ZNF473: variants seen among roughly 807,000 people sequenced by gnomAD.
ZNF473 encodes the protein zinc finger protein 100 homolog.
Under a neutral mutation model 11.1 loss-of-function variants are expected in ZNF473, and 4 were observed. That is an observed-to-expected ratio of 0.36 (90% confidence interval 0.18 to 0.82). The LOEUF (loss-of-function observed/expected upper bound fraction) is 0.82. Among genes scored for constraint, ZNF473 ranks in the 40% least tolerant of loss-of-function variants. The pLI, the probability that ZNF473 is intolerant of heterozygous loss-of-function variation, is 0.49. For missense variants in ZNF473, 854 were observed against 1,084.0 expected, an observed-to-expected ratio of 0.79 and a Z score of 2.98; for synonymous variants, 404 against 390.4, an observed-to-expected ratio of 1.03 and a Z score of -0.41.
chr19:50,039,009 A>T lies in ZNF473; in HGVS notation c.10-152A>T. ...TTGCCTACAAAATACAGGGGTTTCC[A>T]GTCTCTTACATCTCAAGATTCTTGT... On this transcript the variant is annotated intron_variant, in intron 2 of 4. Coordinates refer to ENST00000270617, the MANE Select transcript of ZNF473 (RefSeq NM_015428.4). This position sits in a 1 kb window ranked among gnomAD's most constrained non-coding sequence, Gnocchi z 4.8. 1.0e-6 allele frequency: 1 copy of T among 953,042 alleles called. No individual in the cohort carries two copies. Among genetic ancestry groups the T allele is most frequent in the Non-Finnish European group, 1.6e-6 (1 of 637,864 alleles). The allele number at this position is 953,042 out of a possible 1,614,324, so 59.0% of individuals were successfully genotyped here. A position where few individuals can be genotyped will look rare whatever the true frequency, so the allele number is the denominator to read the frequency against.
intron 3 of ZNF473, among the ~76,000 whole-genome samples, chr19:50,040,002 G>GTTGTCCCTCTTTTGCCGA (rs1375608964): frequency 3.3e-5 from 5 of 152,154 alleles, no homozygotes; most frequent in Non-Finnish European, 7.3e-5. Flanking sequence ...AAGAAGCTGG[G>GTTGTCCCTCTTTTGCCGA]TTGTCCCTCT....
intron 1 of ZNF473, among the ~76,000 whole-genome samples, chr19:50,026,638 C>T (rs976120782): frequency 6.6e-6 from 1 of 151,154 alleles, no homozygotes; most frequent in Non-Finnish European, 1.5e-5. Flanking sequence ...TCGAGGCTAG[C>T]CTGGGCCAGA....
rs989105351 is a variant in ZNF473, at chr19:50,041,725, T to C, written c.137-5T>C. 6.2e-7 allele frequency: 1 copy of C among 1,602,636 alleles called. No homozygotes were observed. Among genetic ancestry groups the C allele is most frequent in the Non-Finnish European group, 8.5e-7 (1 of 1,175,652 alleles). The stretch of plus-strand genomic sequence containing the variant: ...TTGGGTGACAATGCTTTTCTCTCCC[T>C]GCAGACCCCCCAAGACCCAACCTGA... On this transcript the variant is annotated splice_polypyrimidine_tract_variant and splice_region_variant and intron_variant, in intron 3 of 4. Coordinates refer to ENST00000270617, the MANE Select transcript of ZNF473 (RefSeq NM_015428.4).
chr19:50,045,562 T>A lies in ZNF473; in HGVS notation c.1119T>A (p.Thr373=), dbSNP rs1181310605. Residue 373 remains threonine (T), a synonymous_variant, in exon 5 of 5, where the codon ACT becomes ACA. Coordinates refer to ENST00000270617, the MANE Select transcript of ZNF473 (RefSeq NM_015428.4). ...ATCAGAAAACTCACGCTGCAAAAAC[T>A]ACCTCTGAGTGTCAGGAGTGTGGGA... The part of the protein sequence containing the change: ...IQHQKTHAAK[T]TSECQECGKI... 6.2e-7 allele frequency: 1 copy of A among 1,614,164 alleles called. No homozygotes were observed. The highest frequency in any genetic ancestry group is 1.7e-5 in the Admixed American group (1 of 60,018).
intron 2 of ZNF473, among the ~76,000 whole-genome samples, chr19:50,034,090 T>G (rs1184113512): frequency 1.3e-5 from 2 of 152,244 alleles, no homozygotes; most frequent in African/African-American, 4.8e-5. Flanking sequence ...GACTCTGTCC[T>G]GAAAGCTGCT....
chr19:50,031,234 G>A (rs1180379972), intron 2 of ZNF473, 143 bp downstream of exon 2: 7 of 1,134,736 alleles, frequency 6.2e-6, no homozygotes, highest in Non-Finnish European at 9.1e-6. Flanking sequence ...CTTTGTTTTG[G>A]CCTCCCTGTC....
At chr19:50,035,710 C>G (rs1266282291) in intron 2 of ZNF473, among the ~76,000 whole-genome samples, 1 of 152,142 alleles carries the variant, frequency 6.6e-6, no homozygotes, top group Non-Finnish European at 1.5e-5. Flanking sequence ...CTGCTGAGCC[C>G]TGTGTAGGCA....
rs751155515 is a variant in ZNF473, at chr19:50,046,021, C to T, written c.1578C>T (p.Cys526=). The change falls in exon 5 of 5, where the codon TGC becomes TGT. Residue 526 remains cysteine (C), a synonymous_variant. Transcript: ENST00000270617. The surrounding 1 kb of genome is among the most constrained non-coding windows in gnomAD (Gnocchi z 5.9). ...ECQECGERFI[C]GSTLKCHESV... ...AGGAGTGCGGAGAACGCTTCATTTGCGGCTCAACCCTGAAGTGCCACGAGA... is the reference window on the plus strand; with the variant it reads ...AGGAGTGCGGAGAACGCTTCATTTGTGGCTCAACCCTGAAGTGCCACGAGA... 2.0e-5 allele frequency: 33 copies of T among 1,614,040 alleles called. No homozygotes were observed. Among genetic ancestry groups the T allele is most frequent in the Non-Finnish European group, 2.5e-5 (30 of 1,180,028 alleles).
rs1460984503 is a variant in ZNF473, at chr19:50,039,945, G to C, written c.136+658G>C. On this transcript the variant is annotated intron_variant, in intron 3 of 4. Transcript: ENST00000270617. This position sits in a 1 kb window ranked among gnomAD's most constrained non-coding sequence, Gnocchi z 4.8. ...CAGCTCTAAACTAATGAATGATTGA[G>C]TAGCAGCTCTTAGGACTTGCTTGTT... 6.6e-6 allele frequency among the ~76,000 whole-genome samples: 1 copy of C among 152,226 alleles called. No homozygotes were observed. The highest frequency in any genetic ancestry group is 2.4e-5 in the African/African-American group (1 of 41,450).
In ZNF473 at chr19:50,039,069, T is replaced by A; in HGVS notation, c.10-92T>A. ...GATGGGATGGTTTTTGCCAAAGCCCTGGCAGATTGAGGGCTGGGAGTGCCC... is the reference window on the plus strand; with the variant it reads ...GATGGGATGGTTTTTGCCAAAGCCCAGGCAGATTGAGGGCTGGGAGTGCCC... On this transcript the variant is annotated intron_variant, in intron 2 of 4. Coordinates refer to ENST00000270617, the MANE Select transcript of ZNF473 (RefSeq NM_015428.4). This position sits in a 1 kb window ranked among gnomAD's most constrained non-coding sequence, Gnocchi z 4.8. 1.3e-6 allele frequency: 2 copies of A among 1,540,938 alleles called. No individual in the cohort carries two copies. Among genetic ancestry groups the A allele is most frequent in the Non-Finnish European group, 8.9e-7 (1 of 1,127,900 alleles).
Position 50,046,753 on chromosome 19 carries a change from C to T in ZNF473, c.2310C>T (p.Ser770=). The change falls in exon 5 of 5, where the codon AGC becomes AGT. Residue 770 remains serine (S), a synonymous_variant. Coordinates refer to ENST00000270617, the MANE Select transcript of ZNF473 (RefSeq NM_015428.4). The surrounding 1 kb of genome is among the most constrained non-coding windows in gnomAD (Gnocchi z 5.9). ...AATGCGGGAAAGCCTTCACCCAGAG[C>T]TCATGCCTTTCTATTCACCGGAGAG... The part of the protein sequence containing the change: ...CQECGKAFTQ[S]SCLSIHRRVH... The T allele has an allele frequency of 1.2e-6, 2 of 1,614,166 alleles. No homozygotes were observed. The highest frequency in any genetic ancestry group is 1.7e-6 in the Non-Finnish European group (2 of 1,180,010).
rs748380828 is a variant in ZNF473 at position 50,046,199 on chromosome 19, A to G, written c.1756A>G (p.Arg586Gly). The G allele has an allele frequency of 1.9e-6, 3 of 1,614,202 alleles. No individual in the cohort carries two copies. Among genetic ancestry groups the G allele is most frequent in the Admixed American group, 1.7e-5 (1 of 60,026 alleles). ...AACTCAGCACGAGAGGATTCACACC[A>G]GGGGAGTGAAGCCCTTTGAATGTGA... ...YLTQHERIHT[R>G]GVKPFECDQC... The change falls in exon 5 of 5, where the codon AGG (arginine) becomes GGG (glycine). Residue 586 changes from arginine to glycine, a missense_variant. Physicochemically the swap from Arg to Gly is moderately radical, Grantham distance 125. Transcript: ENST00000270617. This position sits in a 1 kb window ranked among gnomAD's most constrained non-coding sequence, Gnocchi z 5.9.
rs756986238 is a variant in ZNF473, at chr19:50,045,357, C to T, written c.914C>T (p.Thr305Ile). 6.2e-7 allele frequency: 1 copy of T among 1,614,180 alleles called. No individual in the cohort carries two copies. The highest frequency in any genetic ancestry group is 1.1e-5 in the South Asian group (1 of 91,084). ...AGTGACCACCCACCCAGTCATGACA[C>T]ACAGCCTGGTGAGCATCAGAAAACT... The part of the protein sequence containing the change: ...QDSDHPPSHD[T>I]QPGEHQKTHT... Residue 305 changes from threonine (T) to isoleucine (I), a missense_variant, in exon 5 of 5, where the codon ACA (threonine) becomes ATA (isoleucine). Around this residue, in one of 2 missense-constraint regions of ZNF473, gnomAD observed 668 missense variants for 790.2 expected, o/e 0.85. Transcript: ENST00000270617.
chr19:50,028,398 C>T (rs1199706998), intron 1 of ZNF473, among the ~76,000 whole-genome samples: 1 of 152,042 alleles, frequency 6.6e-6, no homozygotes, highest in Non-Finnish European at 1.5e-5. Context: ...TCACTGCAGC[C>T]TTGAACTCCT....
rs1176476272 is a variant in ZNF473, at chr19:50,048,178, G to C, written c.*1119G>C. 1 of 152,252 alleles carries C rather than the reference G, an allele frequency of 6.6e-6. No individual in the cohort carries two copies. Among genetic ancestry groups the C allele is most frequent in the Non-Finnish European group, 1.5e-5 (1 of 68,052 alleles). 9.4% of individuals were successfully genotyped at this position (152,252 alleles called of 1,614,324 possible). On this transcript the variant is annotated 3_prime_UTR_variant, in exon 5 of 5. Coordinates refer to ENST00000270617, the MANE Select transcript of ZNF473 (RefSeq NM_015428.4). ...AATGCCACATTCCCTCATGTCACAG[G>C]AAGTTCTGGGATCACCAAGGATTGT...
At chr19:50,044,555 T>C in intron 4 of ZNF473, 115 bp from the exon 5 acceptor site, 4 of 817,958 alleles carry the variant, frequency 4.9e-6, no homozygotes, top group Non-Finnish European at 7.8e-6. Context: ...TCCACATGGG[T>C]CACCCCTTTG....
chr19:50,033,828 T>C (rs11878219), intron 2 of ZNF473, among the ~76,000 whole-genome samples: 7,972 of 152,196 alleles, frequency 0.052, 688 homozygotes, highest in African/African-American at 0.18. Flanking sequence ...ATCACCTCTT[T>C]TCTCCTGTGA....
At position 50,026,946 on chromosome 19, in the gene ZNF473, G is replaced by A. The variant is rs1379315578; in HGVS notation, c.-192+824G>A. On this transcript the variant is annotated intron_variant, in intron 1 of 4. Transcript: ENST00000270617. ...AAATTTAGGCAGAATCTTGCTGGAC[G>A]ATGGATGGGAGTTCTTCGGGAAGTT... 5.3e-5 allele frequency among the ~76,000 whole-genome samples: 8 copies of A among 152,162 alleles called. No individual in the cohort carries two copies. In the East Asian group the frequency reaches 7.7e-4, roughly 15 times the overall value.
In ZNF473 at chr19:50,045,647, C is replaced by T. The variant is rs376896150; in HGVS notation, c.1204C>T (p.Pro402Ser). The change falls in exon 5 of 5, where the codon CCT becomes TCT. Residue 402 changes from proline to serine, a missense_variant. Coordinates refer to ENST00000270617, the MANE Select transcript of ZNF473 (RefSeq NM_015428.4). ...EHQALHAGEE[P>S]YKCNERGKSF... ...CCAGGCTCTTCATGCTGGAGAGGAG[C>T]CTTATAAGTGTAACGAACGTGGGAA... 1.2e-6 allele frequency: 2 copies of T among 1,613,892 alleles called. No individual in the cohort carries two copies. The highest frequency in any genetic ancestry group is 1.3e-5 in the African/African-American group (1 of 74,840).
Sources: allele counts gnomAD v4.1 joint callset (sites outside exome capture counted in the v4.1 genomes callset), GRCh38; gene constraint gnomAD v4.1.1; regional missense constraint gnomAD v4.1.1; non-coding constraint Gnocchi (gnomAD v3.1); transcripts MANE v1.5; gene names NCBI Gene and HGNC (gene_info 2026-07-23, HGNC 2026-07-21).